The following ZFP62 variants were observed in gnomAD, a reference collection of about 807,000 sequenced individuals.
The protein encoded by ZFP62 is ZFP62 zinc finger protein.
Under a neutral mutation model 56.4 loss-of-function variants are expected in ZFP62, and 44 were observed. The ratio of observed to expected loss-of-function variants is 0.78; its 90% CI spans 0.61 to 1.00. The LOEUF (loss-of-function observed/expected upper bound fraction) is 1.00. Ranked by LOEUF, ZFP62 falls within the 50% of genes least tolerant of loss-of-function variation. ZFP62 has a pLI of 0.00. For synonymous variants in ZFP62, 421 were observed against 388.9 expected (o/e 1.08, Z -0.97); for missense variants, 1,030 against 1,085.7 (o/e 0.95, Z 0.72).
chr5:180,836,322 G>A, the ZFP62 span, among the ~76,000 whole-genome samples: 10 of 152,204 alleles, frequency 6.6e-5, no homozygotes, highest in African/African-American at 2.2e-4. Context: ...TAGGGCCATT[G>A]CCCTCTGAAG....
intron 1 of ZFP62, among the ~76,000 whole-genome samples, chr5:180,854,690 G>A (rs998852006): frequency 5.9e-5 from 9 of 152,152 alleles, no homozygotes; most frequent in Non-Finnish European, 1.5e-5. Flanking sequence ...TAGGGAGAAG[G>A]ACACATCACC....
chr5:180,849,028 A>G lies in ZFP62; in HGVS notation c.2467T>C (p.Tyr823His), dbSNP rs1280968747. 1 of 1,551,962 alleles carries G rather than the reference A, an allele frequency of 6.4e-7. No homozygotes were observed. The highest frequency in any genetic ancestry group is 1.4e-5 in the African/African-American group (1 of 73,014). ...TTGTGCTGGTCAAGGACTGATCTATAATTGAAGGATTTCCCACACTCACAA... is the reference window on the plus strand; with the variant it reads ...TTGTGCTGGTCAAGGACTGATCTATGATTGAAGGATTTCCCACACTCACAA... ...YNCECGKSFN[Y>H]RSVLDQHKRI... Residue 823 changes from tyrosine (Y) to histidine (H), a missense_variant, in exon 2 of 2, where the codon TAT becomes CAT. Physicochemically the swap from Tyr to His is moderately conservative, Grantham distance 83. Coordinates refer to ENST00000502412, the MANE Select transcript of ZFP62 (RefSeq NM_001172638.2).
At chr5:180,858,209 A>G (rs1410191096) in intron 1 of ZFP62, among the ~76,000 whole-genome samples, 2 of 125,600 alleles carry the variant, frequency 1.6e-5, no homozygotes, top group Non-Finnish European at 3.2e-5. Context: ...GTAAGCTGAG[A>G]TTGTGCCATT....
the ZFP62 span, among the ~76,000 whole-genome samples, chr5:180,836,739 TTC>T: frequency 9.2e-4 from 140 of 152,330 alleles, 3 homozygotes; most frequent in East Asian, 0.024. Flanking sequence ...TTGGAAAGCG[TTC>T]TGTGTTGTCA....
At chr5:180,859,932 C>T (rs1200821186) in intron 1 of ZFP62, among the ~76,000 whole-genome samples, 3 of 152,094 alleles carry the variant, frequency 2.0e-5, no homozygotes, top group Non-Finnish European at 4.4e-5. Context: ...TTGAGTATAC[C>T]ATTGTTTGAA....
At chr5:180,859,592 A>T (rs1774198051) in intron 1 of ZFP62, among the ~76,000 whole-genome samples, 1 of 152,226 alleles carries the variant, frequency 6.6e-6, no homozygotes, top group Admixed American at 6.5e-5. Flanking sequence ...GTAGTGGAGA[A>T]GAGATTTCTA....
intron 1 of ZFP62, among the ~76,000 whole-genome samples, chr5:180,857,174 C>T (rs145962627): frequency 6.6e-6 from 1 of 152,020 alleles, no homozygotes; most frequent in Non-Finnish European, 1.5e-5. Context: ...AGACTTGATC[C>T]TCGGGAGCTT....
chr5:180,827,864 T>A, the ZFP62 span, among the ~76,000 whole-genome samples: 1 of 152,236 alleles, frequency 6.6e-6, no homozygotes, highest in Non-Finnish European at 1.5e-5. Flanking sequence ...AGGTGGGACA[T>A]GCGGGCAGCA....
rs1773706304 is a variant in ZFP62 at position 180,851,407 on chromosome 5, C to T, written c.88G>A (p.Val30Met). 6.4e-7 allele frequency: 1 copy of T among 1,551,574 alleles called. No homozygotes were observed. The highest frequency in any genetic ancestry group is 1.4e-5 in the African/African-American group (1 of 73,062). The change falls in exon 2 of 2, where the codon GTG (valine) becomes ATG (methionine). Residue 30 changes from valine (V) to methionine (M), a missense_variant. Coordinates refer to ENST00000502412, the MANE Select transcript of ZFP62 (RefSeq NM_001172638.2). ...TTAGATTCAGGCATAGGATCCTCCA[C>T]TTTTGGCCACTTAGATGCTGCATTT... ...VGNAASKWPK[V>M]EDPMPESKVG...
At chr5:180,828,741 G>A in the ZFP62 span, among the ~76,000 whole-genome samples, 3 of 152,194 alleles carry the variant, frequency 2.0e-5, no homozygotes, top group African/African-American at 7.2e-5. Context: ...TAGGGAACAA[G>A]GGAAGACAAC....
At chr5:180,838,949 G>A in the ZFP62 span, among the ~76,000 whole-genome samples, 1 of 152,148 alleles carries the variant, frequency 6.6e-6, no homozygotes, top group Non-Finnish European at 1.5e-5. Context: ...ACATACAGGA[G>A]AGAAAAATGT....
rs1157348870 is a variant in ZFP62 at position 180,849,403 on chromosome 5, T to G, written c.2092A>C (p.Arg698=). 6.4e-7 allele frequency: 1 copy of G among 1,551,190 alleles called. No homozygotes were observed. Residue 698 remains arginine, a synonymous_variant, in exon 2 of 2, where the codon AGG becomes CGG. Transcript: ENST00000502412. The part of the protein sequence containing the change: ...LINHKSTHPG[R]TPHTCDECGK... ...CATTCATCACATGTATGGGGTGTCC[T>G]GCCAGGGTGGGTACTCTTATGGTTA...
the ZFP62 span, chr5:180,831,380 G>A: frequency 6.6e-6 from 1 of 152,338 alleles, no homozygotes; most frequent in African/African-American, 2.4e-5. Context: ...AAGAGGGGCC[G>A]TGGCGCCATC....
the ZFP62 span, among the ~76,000 whole-genome samples, chr5:180,836,274 C>A: frequency 6.6e-6 from 1 of 152,240 alleles, no homozygotes; most frequent in African/African-American, 2.4e-5. Flanking sequence ...TATTTTCTCA[C>A]AGACTTGGAA....
chr5:180,845,094 G>A (rs1773382438), downstream of ZFP62, among the ~76,000 whole-genome samples: 1 of 152,054 alleles, frequency 6.6e-6, no homozygotes, highest in African/African-American at 2.4e-5. Context: ...CACCTTGGGA[G>A]TCTGAGGCTG....
Position 180,847,920 on chromosome 5 carries a change from C to G in ZFP62, c.*872G>C, listed in dbSNP as rs1041687382. 1 of 985,428 alleles carries G rather than the reference C, an allele frequency of 1.0e-6. No individual in the cohort carries two copies. The allele number at this position is 985,428 out of a possible 1,614,324, so 61.0% of individuals were successfully genotyped here. On this transcript the variant is annotated 3_prime_UTR_variant, in exon 2 of 2. Coordinates refer to ENST00000502412, the MANE Select transcript of ZFP62 (RefSeq NM_001172638.2). Reference sequence around the variant, plus strand: ...ATAGGAATCCCTGAATCACTTCTGTCATGTAAGGTGCGAATTCATGTTGAC... The same window carrying G: ...ATAGGAATCCCTGAATCACTTCTGTGATGTAAGGTGCGAATTCATGTTGAC...
intron 1 of ZFP62, among the ~76,000 whole-genome samples, chr5:180,852,555 A>C (rs1051552102): frequency 4.1e-3 from 34 of 8,222 alleles, no homozygotes; most frequent in African/African-American, 6.8e-3. Context: ...TCCGTCTCAC[A>C]AAAAAAAAAA....
downstream of ZFP62, among the ~76,000 whole-genome samples, chr5:180,844,599 A>G (rs249307): frequency 0.69 from 104,689 of 152,072 alleles, 37,973 homozygotes; most frequent in East Asian, 0.96. Context: ...CCAGGCCAGA[A>G]AGGCAAGCGT....
intron 1 of ZFP62, 40 bp from the exon 2 acceptor site, chr5:180,851,533 T>TA (rs112485824): frequency 0.047 from 67,926 of 1,454,418 alleles, 4,116 homozygotes; most frequent in African/African-American, 0.33. Flanking sequence ...TTCACTCTCT[T>TA]AAAAAAAAAC....
Sources: allele counts gnomAD v4.1 joint callset (sites outside exome capture counted in the v4.1 genomes callset), GRCh38; gene constraint gnomAD v4.1.1; transcripts MANE v1.5; gene names NCBI Gene and HGNC (gene_info 2026-07-23, HGNC 2026-07-21).